GPC5: variants seen among roughly 807,000 people sequenced by gnomAD.
GPC5 encodes the protein glypican-5.
In GPC5, 47 loss-of-function variants were observed where a neutral mutation model predicts 53.9. The ratio of observed to expected loss-of-function variants is 0.87; its 90% CI spans 0.69 to 1.11. The LOEUF is 1.11. GPC5 is among the 50% of genes most tolerant of loss of function. The probability of loss-of-function intolerance (pLI) is 0.00; values close to 1 mark genes in which losing one functional copy is unlikely to be tolerated. For missense variants in GPC5, 748 were observed against 713.1 expected, an observed-to-expected ratio of 1.05 and a Z score of -0.56; for synonymous variants, 286 against 263.3, an observed-to-expected ratio of 1.09 and a Z score of -0.84.
At chr13:92,516,501 G>T (rs1219544812) in intron 7 of GPC5, among the ~76,000 whole-genome samples, 1 of 152,136 alleles carries the variant, frequency 6.6e-6, no homozygotes, top group Non-Finnish European at 1.5e-5. Context: ...ATTGGAAGGT[G>T]AAGAGATATT....
At chr13:92,854,883 GT>G (rs1482160202) in intron 7 of GPC5, among the ~76,000 whole-genome samples, 1 of 151,788 alleles carries the variant, frequency 6.6e-6, no homozygotes, top group Non-Finnish European at 1.5e-5. Flanking sequence ...AAGCTTTTTA[GT>G]TTAAAAATGT....
rs763525582 is a variant in GPC5, at chr13:92,080,192, AT to A, written c.1402-64631del. Among the ~76,000 whole-genome samples the A allele has an allele frequency of 2.1e-4, 32 of 151,580 alleles. 1 individual carries two copies. Among genetic ancestry groups the A allele is most frequent in the African/African-American group, 7.5e-4 (31 of 41,304 alleles). ...AGACAGATATTTATCAGGCTCTTTT[AT>A]TTTTTTCTTTCTCCCTGCACCATCG... is the stretch of plus-strand genomic sequence containing the variant. On this transcript the variant is annotated intron_variant, in intron 6 of 7. Coordinates refer to ENST00000377067, the MANE Select transcript of GPC5 (RefSeq NM_004466.6).
At chr13:92,666,892 C>T (rs1373005379) in intron 7 of GPC5, among the ~76,000 whole-genome samples, 2 of 152,060 alleles carry the variant, frequency 1.3e-5, no homozygotes, top group Non-Finnish European at 2.9e-5. Flanking sequence ...CCTTATATTC[C>T]CCTCATAGTT....
chr13:91,448,711 T>G lies in GPC5; in HGVS notation c.164-50T>G, dbSNP rs968045189. 4 of 1,584,996 alleles carry G rather than the reference T, an allele frequency of 2.5e-6. No individual in the cohort carries two copies. The African/African-American group carries it at 4.1e-5, about 16-fold the overall frequency. On this transcript the variant is annotated intron_variant, in intron 1 of 7. Transcript: ENST00000377067. ...ATAACGCCTGATATATAATATGTAATACTTGTTAAATGAACAGGTAATCAT... is the reference window on the plus strand; with the variant it reads ...ATAACGCCTGATATATAATATGTAAGACTTGTTAAATGAACAGGTAATCAT...
rs543544328 is a variant in GPC5 at position 91,563,244 on chromosome 13, C to T, written c.325+114322C>T. ...AAAATTCTAAATCAGCCTATTAGGT[C>T]CTGGTTATACAGATTCACATACACA... On this transcript the variant is annotated intron_variant, in intron 2 of 7. Transcript: ENST00000377067. Among the ~76,000 whole-genome samples, 54 of 152,106 alleles carry T rather than the reference C, an allele frequency of 3.6e-4. 1 individual carries two copies. Among genetic ancestry groups the T allele is most frequent in the African/African-American group, 1.3e-3 (53 of 41,500 alleles).
intron 6 of GPC5, among the ~76,000 whole-genome samples, chr13:91,964,245 C>G (rs962203917): frequency 8.5e-5 from 13 of 152,164 alleles, no homozygotes; most frequent in African/African-American, 2.7e-4. Flanking sequence ...AGCAAGATTT[C>G]TTGCAAACAG....
intron 5 of GPC5, among the ~76,000 whole-genome samples, chr13:91,886,677 C>G (rs1039183816): frequency 6.6e-6 from 1 of 152,158 alleles, no homozygotes; most frequent in East Asian, 1.9e-4. Flanking sequence ...TTGGTCGAAA[C>G]GAAGGGGCTA....
chr13:91,720,812 G>C (rs372833939), intron 3 of GPC5, among the ~76,000 whole-genome samples: 2 of 152,198 alleles, frequency 1.3e-5, no homozygotes, highest in Non-Finnish European at 2.9e-5. Context: ...AAAGATACCA[G>C]AGATTCATGA....
intron 3 of GPC5, among the ~76,000 whole-genome samples, chr13:91,711,396 T>C (rs1036661020): frequency 6.6e-6 from 1 of 151,876 alleles, no homozygotes; most frequent in Non-Finnish European, 1.5e-5. Context: ...ATGGTGGGAA[T>C]TGAACAATGA....
At chr13:92,642,526 G>C (rs1236122362) in intron 7 of GPC5, among the ~76,000 whole-genome samples, 2 of 152,196 alleles carry the variant, frequency 1.3e-5, no homozygotes, top group Non-Finnish European at 2.9e-5. Context: ...CCCTCAACCA[G>C]ATAGAGATTG....
chr13:91,619,414 G>A (rs182115413), intron 2 of GPC5, among the ~76,000 whole-genome samples: 47 of 152,054 alleles, frequency 3.1e-4, no homozygotes, highest in African/African-American at 5.8e-4. Context: ...TGTTGATTTC[G>A]GCTGCTAAAA....
chr13:91,965,412 T>G (rs2040171702), intron 6 of GPC5, among the ~76,000 whole-genome samples: 1 of 152,152 alleles, frequency 6.6e-6, no homozygotes. Flanking sequence ...TGCTGTACCA[T>G]GATATCAATC....
intron 2 of GPC5, among the ~76,000 whole-genome samples, chr13:91,480,119 T>C (rs1883220641): frequency 6.6e-6 from 1 of 152,194 alleles, no homozygotes; most frequent in Non-Finnish European, 1.5e-5. Flanking sequence ...GAAAGAATCA[T>C]TGGAAATTTT....
chr13:92,670,281 A>T (rs976770365), intron 7 of GPC5, among the ~76,000 whole-genome samples: 1 of 152,160 alleles, frequency 6.6e-6, no homozygotes, highest in Non-Finnish European at 1.5e-5. Flanking sequence ...GAGGCTTGAG[A>T]CACAGAGCAG....
intron 7 of GPC5, among the ~76,000 whole-genome samples, chr13:92,732,259 A>G (rs1027802320): frequency 1.3e-5 from 2 of 151,572 alleles, no homozygotes; most frequent in East Asian, 3.9e-4. Context: ...TTCATATGCC[A>G]TAACATAGTG....
chr13:91,534,366 A>C (rs562274458), intron 2 of GPC5, among the ~76,000 whole-genome samples: 47 of 152,330 alleles, frequency 3.1e-4, no homozygotes, highest in African/African-American at 1.1e-3. Flanking sequence ...TGCCTATGCA[A>C]ATCTAGCCAA....
intron 7 of GPC5, among the ~76,000 whole-genome samples, chr13:92,452,569 C>CG (rs1878105602): frequency 7.7e-6 from 1 of 130,202 alleles, no homozygotes; most frequent in Non-Finnish European, 1.7e-5. Context: ...ATGATTACTC[C>CG]AAAAAAAACA....
At chr13:92,605,652 C>T (rs555918681) in intron 7 of GPC5, among the ~76,000 whole-genome samples, 143 of 147,690 alleles carry the variant, frequency 9.7e-4, no homozygotes, top group African/African-American at 3.6e-3. Context: ...TGCAGTGGCG[C>T]AATCTCGGCT....
At chr13:92,728,514 C>T (rs903099050) in intron 7 of GPC5, among the ~76,000 whole-genome samples, 3 of 151,358 alleles carry the variant, frequency 2.0e-5, no homozygotes, top group Admixed American at 6.6e-5. Context: ...AATTTCAGAA[C>T]GCATCCAACA....
Sources: allele counts gnomAD v4.1 joint callset (sites outside exome capture counted in the v4.1 genomes callset), GRCh38; gene constraint gnomAD v4.1.1; transcripts MANE v1.5; gene names NCBI Gene and HGNC (gene_info 2026-07-23, HGNC 2026-07-21).